Variants in ERBB4 observed in about 807,000 individuals in gnomAD.
ERBB4 encodes erb-b2 receptor tyrosine kinase 4, also known as receptor tyrosine-protein kinase erbB-4.
ERBB4 carries 42 observed loss-of-function variants against 158.0 expected under a neutral mutation model. That is an observed-to-expected ratio of 0.27 (90% confidence interval 0.21 to 0.34). The LOEUF (loss-of-function observed/expected upper bound fraction) is 0.34. Among genes scored for constraint, ERBB4 ranks in the 10% least tolerant of loss-of-function variants. The probability of loss-of-function intolerance (pLI) is 1.00; values close to 1 mark genes in which losing one functional copy is unlikely to be tolerated. For missense variants in ERBB4, 1,333 were observed against 1,624.1 expected, an observed-to-expected ratio of 0.82 and a Z score of 3.08; for synonymous variants, 583 against 558.7, an observed-to-expected ratio of 1.04 and a Z score of -0.61.
chr2:211,384,679 T>C (rs575200166), intron 27 of ERBB4, among the ~76,000 whole-genome samples: 2 of 152,264 alleles, frequency 1.3e-5, no homozygotes, highest in East Asian at 3.9e-4. Flanking sequence ...ATAGCTAACA[T>C]GCCTCTAGTT....
At chr2:211,767,793 T>C (rs575290869) in intron 4 of ERBB4, among the ~76,000 whole-genome samples, 27 of 152,282 alleles carry the variant, frequency 1.8e-4, no homozygotes, top group Admixed American at 1.4e-3. Context: ...ACGGGGATTA[T>C]GGGAACTACA....
intron 1 of ERBB4, among the ~76,000 whole-genome samples, chr2:212,326,833 A>C (rs557796055): frequency 6.6e-6 from 1 of 150,966 alleles, no homozygotes; most frequent in South Asian, 2.1e-4. Flanking sequence ...CTGTGTGTGC[A>C]TGTGCACATG....
chr2:211,786,087 G>A (rs1307190521), intron 4 of ERBB4, among the ~76,000 whole-genome samples: 2 of 152,046 alleles, frequency 1.3e-5, no homozygotes, highest in Non-Finnish European at 2.9e-5. Flanking sequence ...ATCAAGAAAT[G>A]GGCAAAGATC....
At chr2:211,856,039 AC>A (rs2077850418) in intron 3 of ERBB4, among the ~76,000 whole-genome samples, 1 of 152,230 alleles carries the variant, frequency 6.6e-6, no homozygotes, top group African/African-American at 2.4e-5. Flanking sequence ...TGACGGGTAC[AC>A]TAAAAGCTAA....
intron 18 of ERBB4, 89 bp downstream of exon 18, chr2:211,623,833 G>A (rs944995551): frequency 7.9e-7 from 1 of 1,259,736 alleles, no homozygotes; most frequent in Non-Finnish European, 1.1e-6. Context: ...AAGAAAATTA[G>A]GTTGTCTAAA....
intron 1 of ERBB4, among the ~76,000 whole-genome samples, chr2:212,342,510 T>A (rs2088771686): frequency 6.6e-6 from 1 of 152,188 alleles, no homozygotes; most frequent in South Asian, 2.1e-4. Context: ...AACCTCTTTT[T>A]CTTTATAAAT....
intron 19 of ERBB4, among the ~76,000 whole-genome samples, chr2:211,599,922 T>G (rs760680116): frequency 2.6e-5 from 4 of 152,190 alleles, no homozygotes; most frequent in Non-Finnish European, 5.9e-5. Flanking sequence ...TTAAGTAAAG[T>G]TATAAACTAC....
chr2:212,354,767 A>G (rs941121054), intron 1 of ERBB4, among the ~76,000 whole-genome samples: 3 of 152,146 alleles, frequency 2.0e-5, no homozygotes, highest in Non-Finnish European at 4.4e-5. Context: ...AAGGTAATTG[A>G]AGAGAAAGTA....
Position 211,665,527 on chromosome 2 carries a change from C to T in ERBB4, c.1717-50G>A, listed in dbSNP as rs779932914. The T allele has an allele frequency of 1.9e-6, 3 of 1,569,038 alleles. No homozygotes were observed. The South Asian group carries it at 3.4e-5, about 18-fold the overall frequency. On this transcript the variant is annotated intron_variant, in intron 14 of 27. Transcript: ENST00000342788. ...AGAAAAAAGAAAAGTGGTGTCATTTCCTCTGGAATGTATTCATGTGGTTTA... is the reference window on the plus strand; with the variant it reads ...AGAAAAAAGAAAAGTGGTGTCATTTTCTCTGGAATGTATTCATGTGGTTTA...
At chr2:211,534,031 T>C (rs1375731333) in intron 20 of ERBB4, among the ~76,000 whole-genome samples, 2 of 152,126 alleles carry the variant, frequency 1.3e-5, no homozygotes, top group Non-Finnish European at 2.9e-5. Context: ...TTATATATCA[T>C]TGCTAGAAAT....
chr2:211,937,178 T>A (rs188260946), intron 3 of ERBB4, among the ~76,000 whole-genome samples: 1 of 152,282 alleles, frequency 6.6e-6, no homozygotes, highest in East Asian at 1.9e-4. Flanking sequence ...TTTTAGAAAG[T>A]GTGGACTACA....
chr2:211,905,929 A>C (rs2079380961), intron 3 of ERBB4, among the ~76,000 whole-genome samples: 1 of 151,552 alleles, frequency 6.6e-6, no homozygotes, highest in Non-Finnish European at 1.5e-5. Flanking sequence ...GTGTTTGTGC[A>C]CTTGAGATGC....
At chr2:212,407,789 A>G (rs2091389694) in intron 1 of ERBB4, among the ~76,000 whole-genome samples, 1 of 152,092 alleles carries the variant, frequency 6.6e-6, no homozygotes, top group Non-Finnish European at 1.5e-5. Flanking sequence ...CCACTGACAT[A>G]TTATACTATT....
At chr2:211,695,996 C>T (rs1482638389) in intron 12 of ERBB4, among the ~76,000 whole-genome samples, 1 of 147,474 alleles carries the variant, frequency 6.8e-6, no homozygotes, top group Non-Finnish European at 1.5e-5. Flanking sequence ...TCCCTCCTTC[C>T]CTTCCCTTCC....
chr2:211,880,029 T>C (rs866866746), intron 3 of ERBB4, among the ~76,000 whole-genome samples: 2 of 151,194 alleles, frequency 1.3e-5, no homozygotes, highest in African/African-American at 2.4e-5. Context: ...ATTTAACATA[T>C]AGTCTCATAA....
chr2:212,183,415 A>G (rs371192409), intron 1 of ERBB4, among the ~76,000 whole-genome samples: 19 of 152,098 alleles, frequency 1.2e-4, no homozygotes, highest in African/African-American at 4.3e-4. Context: ...ATAGTTACTG[A>G]TTTTCAAACA....
At chr2:211,670,716 A>C (rs2071806416) in intron 14 of ERBB4, among the ~76,000 whole-genome samples, 1 of 152,212 alleles carries the variant, frequency 6.6e-6, no homozygotes, top group Non-Finnish European at 1.5e-5. Context: ...AAATGGGAGT[A>C]ATACCTACAA....
At chr2:212,394,463 A>G (rs1318523743) in intron 1 of ERBB4, among the ~76,000 whole-genome samples, 1 of 152,078 alleles carries the variant, frequency 6.6e-6, no homozygotes, top group Admixed American at 6.6e-5. Flanking sequence ...TAATAATAAA[A>G]CTGGACCACC....
chr2:211,651,122 A>C (rs1380678888), intron 16 of ERBB4, among the ~76,000 whole-genome samples: 2 of 152,204 alleles, frequency 1.3e-5, no homozygotes, highest in Non-Finnish European at 2.9e-5. Context: ...CCTGGAACCA[A>C]CATGGACACT....
Sources: allele counts gnomAD v4.1 joint callset (sites outside exome capture counted in the v4.1 genomes callset), GRCh38; gene constraint gnomAD v4.1.1; transcripts MANE v1.5; gene names NCBI Gene and HGNC (gene_info 2026-07-23, HGNC 2026-07-21).